SEL1L3: variants seen among roughly 807,000 people sequenced by gnomAD.
The protein encoded by SEL1L3 is SEL1L family member 3.
In SEL1L3, 76 loss-of-function variants were observed where a neutral mutation model predicts 142.8. That is an observed-to-expected ratio of 0.53 (90% CI 0.44 to 0.64). The LOEUF is 0.64. Ranked by LOEUF, SEL1L3 falls within the 30% of genes least tolerant of loss-of-function variation. The pLI, the probability that SEL1L3 is intolerant of heterozygous loss-of-function variation, is 0.00. For synonymous variants in SEL1L3, 504 were observed against 519.6 expected (o/e 0.97, Z 0.41); for missense variants, 1,262 against 1,381.7 (o/e 0.91, Z 1.37).
In SEL1L3 at chr4:25,804,689, T is replaced by TAA; in HGVS notation, c.1627_1628insTT (p.Lys543IlefsTer20). The TAA allele has an allele frequency of 6.2e-7, 1 of 1,613,920 alleles. No homozygotes were observed. The highest frequency in any genetic ancestry group is 2.2e-5 in the East Asian group (1 of 44,886). ...AAGACCATCAATGCTAGAGAGTCTC[T>TAA]TTACAGCCTTCTCAAATATCTTCCC... On this transcript the variant is annotated frameshift_variant, in exon 10 of 24. Coordinates refer to ENST00000399878, the MANE Select transcript of SEL1L3 (RefSeq NM_015187.5). LOFTEE classifies it high-confidence loss of function.
intron 9 of SEL1L3, among the ~76,000 whole-genome samples, chr4:25,808,835 C>CAA (rs1713789221): frequency 6.6e-6 from 1 of 152,240 alleles, no homozygotes; most frequent in Admixed American, 6.5e-5. Flanking sequence ...TTTGGGAGGC[C>CAA]GAGGCGGGCA....
At chr4:25,719,815 C>T in the SEL1L3 span, 2 of 152,022 alleles carry the variant, frequency 1.3e-5, no homozygotes, top group Non-Finnish European at 2.9e-5. Flanking sequence ...AGGAAAGGCC[C>T]ACGGCAGCTT....
downstream of SEL1L3, among the ~76,000 whole-genome samples, chr4:25,743,370 C>G (rs557448063): frequency 6.6e-6 from 1 of 152,252 alleles, no homozygotes; most frequent in South Asian, 2.1e-4. Flanking sequence ...CACCTCTGTA[C>G]CCTACCCTCT....
At chr4:25,832,657 G>A (rs1715522001) in intron 5 of SEL1L3, among the ~76,000 whole-genome samples, 1 of 151,752 alleles carries the variant, frequency 6.6e-6, no homozygotes, top group African/African-American at 2.4e-5. Context: ...TATAAACATG[G>A]CCAATATTGT....
chr4:25,763,620 G>A (rs919762600), intron 20 of SEL1L3, among the ~76,000 whole-genome samples: 4 of 152,096 alleles, frequency 2.6e-5, no homozygotes, highest in African/African-American at 7.2e-5. Context: ...GGCCAAGGTG[G>A]GCAGATCACT....
rs2109262030 is a variant in SEL1L3, at chr4:25,822,117, T to C, written c.1169A>G (p.Asp390Gly). Residue 390 changes from aspartate (D) to glycine (G), a missense_variant, in exon 7 of 24, where the codon GAT becomes GGT. This residue lies in a region of SEL1L3 where 689 missense variants were observed against 692.8 expected (regional missense o/e 0.99). Coordinates refer to ENST00000399878, the MANE Select transcript of SEL1L3 (RefSeq NM_015187.5). ...YHNQTISFRE[D>G]FHYNDTAGYF... ...CCCAGCTGTGTCATTATAATGGAAATCCTCCCGGAAGCTAGAGAAGAGAAT... is the reference window on the plus strand; with the variant it reads ...CCCAGCTGTGTCATTATAATGGAAACCCTCCCGGAAGCTAGAGAAGAGAAT... 1 of 1,613,792 alleles carries C rather than the reference T, an allele frequency of 6.2e-7. No homozygotes were observed. The highest frequency in any genetic ancestry group is 2.2e-5 in the East Asian group (1 of 44,868).
intron 14 of SEL1L3, 48 bp from the exon 15 acceptor site, chr4:25,782,466 A>G (rs1720069971): frequency 1.3e-6 from 2 of 1,535,672 alleles, no homozygotes; most frequent in Non-Finnish European, 1.8e-6. Context: ...AATGAAATCT[A>G]GAGAGCTCTG....
At chr4:25,849,900 A>G (rs1029954879) in intron 1 of SEL1L3, among the ~76,000 whole-genome samples, 5 of 152,226 alleles carry the variant, frequency 3.3e-5, no homozygotes, top group South Asian at 2.1e-4. Flanking sequence ...AAACAAGCCC[A>G]AGGGTGCATA....
chr4:25,729,427 A>C, the SEL1L3 span, among the ~76,000 whole-genome samples: 1 of 152,226 alleles, frequency 6.6e-6, no homozygotes, highest in African/African-American at 2.4e-5. Flanking sequence ...AAATACATAT[A>C]TTTAGGCTGG....
At chr4:25,731,894 G>A in the SEL1L3 span, among the ~76,000 whole-genome samples, 2 of 152,016 alleles carry the variant, frequency 1.3e-5, no homozygotes, top group Non-Finnish European at 2.9e-5. Flanking sequence ...CCAACATGAC[G>A]AAAACCCATC....
At chr4:25,796,208 C>T (rs2109205833) in intron 11 of SEL1L3, among the ~76,000 whole-genome samples, 1 of 152,296 alleles carries the variant, frequency 6.6e-6, no homozygotes, top group African/African-American at 2.4e-5. Flanking sequence ...CCACACTGTC[C>T]CGGGGATGCT....
intron 9 of SEL1L3, among the ~76,000 whole-genome samples, chr4:25,807,544 C>T (rs903039768): frequency 6.6e-6 from 1 of 151,978 alleles, no homozygotes; most frequent in African/African-American, 2.4e-5. Context: ...GGATGCCCCT[C>T]TGCACATTCC....
At chr4:25,842,601 A>C (rs779888915) in intron 2 of SEL1L3, among the ~76,000 whole-genome samples, 1 of 152,168 alleles carries the variant, frequency 6.6e-6, no homozygotes, top group Non-Finnish European at 1.5e-5. Flanking sequence ...CAGTGGCCCT[A>C]GGGAAGGAGC....
Position 25,847,787 on chromosome 4 carries a change from GT to G in SEL1L3, c.239del (p.Tyr80SerfsTer66), listed in dbSNP as rs1480877422. ...VIPKAEQSVAYKDFIYFTVFE... is the reference protein window; with the variant it reads ...VIPKAEQSVAXKDFIYFTVFE... ...AGACAGTAAAATAAATAAAGTCTTT[GT>G]AAGCCACGCTCTGCTCAGCTTTGGG... is the stretch of plus-strand genomic sequence containing the variant. On this transcript the variant is annotated frameshift_variant, in exon 2 of 24. Coordinates refer to ENST00000399878, the MANE Select transcript of SEL1L3 (RefSeq NM_015187.5). LOFTEE classifies it high-confidence loss of function. 1 of 1,613,500 alleles carries G rather than the reference GT, an allele frequency of 6.2e-7. No individual in the cohort carries two copies. Among genetic ancestry groups the G allele is most frequent in the Non-Finnish European group, 8.5e-7 (1 of 1,179,730 alleles).
chr4:25,810,936 T>TTA (rs1231046604), intron 9 of SEL1L3, among the ~76,000 whole-genome samples: 1 of 152,210 alleles, frequency 6.6e-6, no homozygotes, highest in Non-Finnish European at 1.5e-5. Flanking sequence ...ACGGGTCCTG[T>TTA]TATACATCAG....
chr4:25,748,098 A>G lies in SEL1L3; in HGVS notation c.*327T>C. The stretch of plus-strand genomic sequence containing the variant: ...ATTCTTAAGACACATCTTAGTGTAT[A>G]AGAATCCAGATCTGCCGTAGGGCAT... On this transcript the variant is annotated 3_prime_UTR_variant, in exon 24 of 24. Transcript: ENST00000399878. 3.9e-6 allele frequency: 1 copy of G among 254,976 alleles called. No homozygotes were observed. The highest frequency in any genetic ancestry group is 1.4e-3 in the Middle Eastern group (1 of 712). The allele number at this position is 254,976 out of a possible 1,614,324, so 15.8% of individuals were successfully genotyped here.
intron 6 of SEL1L3, among the ~76,000 whole-genome samples, chr4:25,825,666 A>ATTTTTTTTT (rs33997941): frequency 1.4e-5 from 1 of 74,026 alleles, no homozygotes; most frequent in Non-Finnish European, 2.5e-5. Flanking sequence ...TCTAAATTCT[A>ATTTTTTTTT]TTTTTTTTTT....
At chr4:25,737,053 C>T in the SEL1L3 span, among the ~76,000 whole-genome samples, 40 of 151,140 alleles carry the variant, frequency 2.6e-4, no homozygotes, top group South Asian at 7.5e-3. Flanking sequence ...GGCACAGTCT[C>T]GGCTCACTGC....
chr4:25,849,552 T>C (rs1426943314), intron 1 of SEL1L3, among the ~76,000 whole-genome samples: 3 of 152,062 alleles, frequency 2.0e-5, no homozygotes, highest in African/African-American at 7.2e-5. Flanking sequence ...GAGTTAGGAT[T>C]TAATGGGTCC....
Sources: gnomAD v4.1 joint callset for allele counts (sites outside exome capture counted in the v4.1 genomes callset) on GRCh38, gnomAD v4.1.1 for gene constraint, gnomAD v4.1.1 regional missense constraint, MANE v1.5 for transcripts, NCBI Gene and HGNC (gene_info 2026-07-23, HGNC 2026-07-21) for gene names.